The following DMD variants were observed in gnomAD, a reference collection of about 807,000 sequenced individuals.
DMD encodes the protein mutant dystrophin.
DMD carries 63 observed loss-of-function variants against 330.1 expected under a neutral mutation model. The observed-to-expected ratio is 0.19, with a 90% CI of 0.16 to 0.24. DMD has a LOEUF of 0.24. DMD is among the 10% of genes least tolerant of loss of function. The pLI is 1.00. For synonymous variants in DMD, 1,223 were observed against 959.8 expected (o/e 1.27, Z -5.07); for missense variants, 3,344 against 2,684.1 (o/e 1.25, Z -5.43).
chrX:32,882,508 G>A (rs946284880), intron 2 of DMD, among the ~76,000 whole-genome samples: 3 of 111,805 alleles, frequency 2.7e-5, no homozygotes, highest in African/African-American at 9.7e-5. Flanking sequence ...AATGGGTAAG[G>A]ATGATTTCTC....
chrX:32,435,297 T>TATATATATATATATA (rs1557355914), intron 29 of DMD, among the ~76,000 whole-genome samples: 13 of 99,277 alleles, frequency 1.3e-4, no homozygotes, highest in Non-Finnish European at 2.4e-4. Context: ...TATATATATA[T>TATATATATATATATA]TTACACCCAT....
chrX:32,835,131 A>C (rs946992022), intron 4 of DMD, among the ~76,000 whole-genome samples: 2 of 112,118 alleles, frequency 1.8e-5, no homozygotes, highest in African/African-American at 6.5e-5. Flanking sequence ...AGTTATATCC[A>C]AGGAAAGTTT....
chrX:31,235,573 G>A (rs934139691), intron 63 of DMD, among the ~76,000 whole-genome samples: 3 of 112,388 alleles, frequency 2.7e-5, no homozygotes, highest in Non-Finnish European at 5.6e-5. Flanking sequence ...AAATGATGGT[G>A]CTCAATAAAT....
At chrX:32,578,135 T>C (rs1201953419) in intron 13 of DMD, among the ~76,000 whole-genome samples, 2 of 111,338 alleles carry the variant, frequency 1.8e-5, no homozygotes, top group African/African-American at 3.3e-5. Flanking sequence ...TTGGATAAAA[T>C]GGGGCTAATA....
rs757136558 is a variant in DMD at position 32,577,570 on chromosome X, C to A, written c.1603-3724G>T. On this transcript the variant is annotated intron_variant, in intron 13 of 78. Transcript: ENST00000357033. ...GGTCGTTGTTTACAATTTGCTTGAT[C>A]ATGGTTCTTACATCAAATCTAAGAA... Among the ~76,000 whole-genome samples, 5 of 112,301 alleles carry A rather than the reference C, an allele frequency of 4.5e-5. No homozygotes were observed. In the South Asian group the frequency reaches 1.8e-3, roughly 41 times the overall value.
chrX:32,252,737 TATATATAAATATATATAA>T (rs2097273746), intron 43 of DMD, among the ~76,000 whole-genome samples: 1 of 35,880 alleles, frequency 2.8e-5, no homozygotes, highest in Non-Finnish European at 4.0e-5. Flanking sequence ...TATATAAATA[TATATATAAATATATATAA>T]ATATATAAAT....
intron 63 of DMD, among the ~76,000 whole-genome samples, chrX:31,238,826 G>A (rs2047980679): frequency 8.9e-6 from 1 of 111,739 alleles, no homozygotes; most frequent in Non-Finnish European, 1.9e-5. Context: ...CAGAGGGTAT[G>A]GGGTGAGGCA....
intron 52 of DMD, among the ~76,000 whole-genome samples, chrX:31,689,205 T>C (rs1367783092): frequency 1.8e-5 from 2 of 111,983 alleles, no homozygotes; most frequent in East Asian, 5.6e-4. Context: ...GACATGATTG[T>C]ATATTTAGAA....
At chrX:33,022,073 T>C (rs778021511) in intron 1 of DMD, among the ~76,000 whole-genome samples, 3 of 111,645 alleles carry the variant, frequency 2.7e-5, no homozygotes, top group Non-Finnish European at 5.7e-5. Flanking sequence ...TATATACATA[T>C]ATTCCTAAAA....
intron 45 of DMD, among the ~76,000 whole-genome samples, chrX:31,958,011 T>C: frequency 9.1e-6 from 1 of 110,388 alleles, no homozygotes; most frequent in Admixed American, 9.6e-5. Flanking sequence ...AATTATAAAA[T>C]GTGTCTCAAA....
intron 1 of DMD, among the ~76,000 whole-genome samples, chrX:33,287,745 C>G (rs1410152225): frequency 9.0e-6 from 1 of 111,550 alleles, no homozygotes; most frequent in Non-Finnish European, 1.9e-5. Context: ...GAACTCTAAA[C>G]TGGGACACAA....
intron 44 of DMD, among the ~76,000 whole-genome samples, chrX:32,215,415 G>T (rs750144017): frequency 2.7e-5 from 3 of 111,004 alleles, no homozygotes; most frequent in Non-Finnish European, 5.7e-5. Context: ...TTGCTTCATC[G>T]TAAAAGTACT....
chrX:32,556,406 A>G (rs1470479980), intron 16 of DMD, among the ~76,000 whole-genome samples: 1 of 111,737 alleles, frequency 8.9e-6, no homozygotes, highest in Admixed American at 9.5e-5. Context: ...GACAATGCGG[A>G]GATTTCTCAA....
Position 32,627,427 on chromosome X carries a change from G to C in DMD, c.1332-12974C>G, listed in dbSNP as rs780323881. On this transcript the variant is annotated intron_variant, in intron 11 of 78. Transcript: ENST00000357033. Reference sequence around the variant, plus strand: ...ACTAAAGAGTAATTTTGATCTTGTAGAATTTGGGGCTTTTAAATATAATTT... The same window carrying C: ...ACTAAAGAGTAATTTTGATCTTGTACAATTTGGGGCTTTTAAATATAATTT... Among the ~76,000 whole-genome samples the C allele has an allele frequency of 2.6e-4, 27 of 104,797 alleles. No individual in the cohort carries two copies. The East Asian group carries it at 7.6e-3, about 30-fold the overall frequency. 91.0% of individuals were successfully genotyped at this position (104,797 alleles called of 115,157 possible).
Position 32,424,146 on chromosome X carries a change from T to A in DMD, c.4072-12233A>T, listed in dbSNP as rs373908420. 6.3e-5 allele frequency among the ~76,000 whole-genome samples: 7 copies of A among 110,567 alleles called. No individual in the cohort carries two copies. The East Asian group carries it at 1.7e-3, about 27-fold the overall frequency. ...CAAGTTGCATAGTCCACCACTCAGC[T>A]GAAAATTGCAGTCACCTTGAACACA... On this transcript the variant is annotated intron_variant, in intron 29 of 78. Coordinates refer to ENST00000357033, the MANE Select transcript of DMD (RefSeq NM_004006.3).
intron 30 of DMD, among the ~76,000 whole-genome samples, chrX:32,397,182 G>T (rs1385140882): frequency 9.0e-6 from 1 of 111,532 alleles, no homozygotes; most frequent in East Asian, 2.8e-4. Flanking sequence ...TTTCTAAGTT[G>T]TCCTAAAGAT....
chrX:31,833,248 A>G (rs1433462689), intron 49 of DMD, among the ~76,000 whole-genome samples: 1 of 101,445 alleles, frequency 9.9e-6, no homozygotes, highest in Non-Finnish European at 2.0e-5. Flanking sequence ...AAATAAAAGT[A>G]TGTGTGTAGA....
chrX:32,251,177 C>T (rs965331254), intron 43 of DMD, among the ~76,000 whole-genome samples: 5 of 109,771 alleles, frequency 4.6e-5, no homozygotes, highest in Admixed American at 2.0e-4. Flanking sequence ...TATCCCAGAA[C>T]GTAAAGTATA....
chrX:31,588,055 T>TGC (rs1429682581), intron 55 of DMD, among the ~76,000 whole-genome samples: 2 of 111,786 alleles, frequency 1.8e-5, no homozygotes, highest in Non-Finnish European at 3.8e-5. Flanking sequence ...AACGGTCATC[T>TGC]GCATATTAAC....
Sources: gnomAD v4.1 joint callset for allele counts (sites outside exome capture counted in the v4.1 genomes callset) on GRCh38, gnomAD v4.1.1 for gene constraint, MANE v1.5 for transcripts, NCBI Gene and HGNC (gene_info 2026-07-23, HGNC 2026-07-21) for gene names.